The following MGAT5 variants were observed in gnomAD, a reference collection of about 807,000 sequenced individuals.
MGAT5 encodes the protein alpha-1,6-mannosylglycoprotein 6-beta-N-acetylglucosaminyltransferase A.
MGAT5 carries 30 observed loss-of-function variants against 94.3 expected under a neutral mutation model. The observed-to-expected ratio is 0.32, with a 90% CI of 0.24 to 0.43. MGAT5 has a LOEUF of 0.43. MGAT5 is among the 20% of genes least tolerant of loss of function. The pLI is 1.00. For synonymous variants in MGAT5, 310 were observed against 322.9 expected (o/e 0.96, Z 0.43); for missense variants, 691 against 905.5 (o/e 0.76, Z 3.04).
intron 1 of MGAT5, among the ~76,000 whole-genome samples, chr2:134,259,098 C>T (rs542130643): frequency 6.6e-6 from 1 of 152,348 alleles, no homozygotes; most frequent in South Asian, 2.1e-4. Flanking sequence ...TCCCGGGCAG[C>T]CCGTGTGGAA....
intron 1 of MGAT5, among the ~76,000 whole-genome samples, chr2:134,172,623 T>C (rs1488177039): frequency 2.6e-5 from 4 of 152,176 alleles, no homozygotes; most frequent in Non-Finnish European, 5.9e-5. Context: ...CCTGACCTCG[T>C]GATTCTCCCG....
intron 1 of MGAT5, among the ~76,000 whole-genome samples, chr2:134,257,892 A>C (rs1683079044): frequency 7.7e-6 from 1 of 129,832 alleles, no homozygotes. Flanking sequence ...CATTGCCTAC[A>C]CATCTGCTTT....
At chr2:134,235,377 C>T (rs987174047) in intron 1 of MGAT5, among the ~76,000 whole-genome samples, 2 of 152,078 alleles carry the variant, frequency 1.3e-5, no homozygotes, top group Non-Finnish European at 1.5e-5. Flanking sequence ...GAATTATGAT[C>T]TTGGGGAGGG....
intron 13 of MGAT5, among the ~76,000 whole-genome samples, chr2:134,427,598 G>T (rs887565914): frequency 1.3e-5 from 2 of 152,152 alleles, no homozygotes; most frequent in African/African-American, 4.8e-5. Flanking sequence ...ATACTGAGCT[G>T]CAGTTACCTG....
In MGAT5 at chr2:134,453,548, G is replaced by A. The variant is rs1047619497; in HGVS notation, c.*4701G>A. ...AATGCAATAATAGAGGCTTTTCTGC[G>A]TTAAGGGAGAAGGAATGACCAATTG... is the stretch of plus-strand genomic sequence containing the variant. On this transcript the variant is annotated 3_prime_UTR_variant, in exon 16 of 16. Coordinates refer to ENST00000281923, the MANE Select transcript of MGAT5 (RefSeq NM_002410.5). 12 of 152,200 alleles carry A rather than the reference G, an allele frequency of 7.9e-5. No individual in the cohort carries two copies. The highest frequency in any genetic ancestry group is 4.1e-4 in the South Asian group (2 of 4,830). 9.4% of individuals were successfully genotyped at this position (152,200 alleles called of 1,614,324 possible). A position where few individuals can be genotyped will look rare whatever the true frequency, so the allele number is the denominator to read the frequency against.
intron 9 of MGAT5, among the ~76,000 whole-genome samples, chr2:134,350,260 C>G (rs147194065): frequency 0.014 from 2,062 of 152,192 alleles, 20 homozygotes; most frequent in Non-Finnish European, 0.022. Flanking sequence ...CATTTTATGC[C>G]ACATGGATGC....
intron 9 of MGAT5, among the ~76,000 whole-genome samples, chr2:134,354,371 G>A (rs1008571915): frequency 3.9e-5 from 6 of 152,276 alleles, no homozygotes; most frequent in South Asian, 2.1e-4. Flanking sequence ...TGTGGTTCAT[G>A]TGCAGACAGA....
intron 1 of MGAT5, among the ~76,000 whole-genome samples, chr2:134,205,833 G>A (rs987689261): frequency 6.6e-6 from 1 of 152,192 alleles, no homozygotes; most frequent in Non-Finnish European, 1.5e-5. Context: ...GTCAGCTGGG[G>A]AATTGCTTCA....
At chr2:134,421,282 A>G (rs1046625748) in intron 12 of MGAT5, among the ~76,000 whole-genome samples, 2 of 152,164 alleles carry the variant, frequency 1.3e-5, no homozygotes, top group Non-Finnish European at 2.9e-5. Context: ...GTATGTTTGA[A>G]CTGTCAAAAA....
In MGAT5 at chr2:134,292,042, A is replaced by G. The variant is rs527921371; in HGVS notation, c.406+21492A>G. Among the ~76,000 whole-genome samples the G allele has an allele frequency of 4.0e-5, 6 of 151,344 alleles. No individual in the cohort carries two copies. The South Asian group carries it at 1.3e-3, about 32-fold the overall frequency. The stretch of plus-strand genomic sequence containing the variant: ...TGATTATACCATTTTTTTTTTGTTT[A>G]GAGATGGGCATTTCTAATTTTTAAA... On this transcript the variant is annotated intron_variant, in intron 2 of 15. Transcript: ENST00000281923.
At chr2:134,312,628 G>A (rs1686743457) in intron 2 of MGAT5, among the ~76,000 whole-genome samples, 1 of 152,166 alleles carries the variant, frequency 6.6e-6, no homozygotes, top group Non-Finnish European at 1.5e-5. Flanking sequence ...GGTAGAGGAG[G>A]CTTCGTTGCC....
At chr2:134,362,533 C>A in intron 10 of MGAT5, 125 bp downstream of exon 10, 3 of 1,182,216 alleles carry the variant, frequency 2.5e-6, no homozygotes, top group Non-Finnish European at 3.6e-6. Context: ...TAGACATAAA[C>A]AAGAATGTGC....
At chr2:134,343,718 T>G (rs971397548) in intron 7 of MGAT5, among the ~76,000 whole-genome samples, 5 of 152,114 alleles carry the variant, frequency 3.3e-5, no homozygotes, top group African/African-American at 1.2e-4. Flanking sequence ...GAACATGGGG[T>G]GGACCAGAGA....
intron 2 of MGAT5, among the ~76,000 whole-genome samples, chr2:134,306,795 A>G (rs1386950089): frequency 6.6e-6 from 1 of 152,182 alleles, no homozygotes; most frequent in Non-Finnish European, 1.5e-5. Context: ...AATAAAAGGC[A>G]GAGAGATAAT....
chr2:134,206,385 C>T (rs1246555602), intron 1 of MGAT5, among the ~76,000 whole-genome samples: 2 of 152,204 alleles, frequency 1.3e-5, no homozygotes, highest in East Asian at 3.9e-4. Flanking sequence ...CTAGCTCTGT[C>T]CTCATGCCCA....
At chr2:134,433,536 A>G (rs1685000915) in intron 14 of MGAT5, among the ~76,000 whole-genome samples, 1 of 152,200 alleles carries the variant, frequency 6.6e-6, no homozygotes, top group Non-Finnish European at 1.5e-5. Flanking sequence ...AGGCACCGTC[A>G]CTGTTTCTTT....
chr2:134,189,602 G>GTTTTTGTTTTTTTTTTTTTTTTTTTTT (rs1689239434), intron 1 of MGAT5, among the ~76,000 whole-genome samples: 1 of 84,672 alleles, frequency 1.2e-5, no homozygotes, highest in Non-Finnish European at 2.3e-5. Context: ...GTTTTTTTTT[G>GTTTTTGTTTTTTTTTTTTTTTTTTTTT]TTTTTTTTTT....
Position 134,122,805 on chromosome 2 carries a change from C to T in MGAT5, c.-143+2514C>T, listed in dbSNP as rs548138454. ...TTTGCAGGGTTTGCACCTGCACAAG[C>T]AGCCACCAGTTGGTTTTAAGGTGAA... On this transcript the variant is annotated intron_variant, in intron 1 of 16. Transcript: ENST00000409645. 8.1e-4 allele frequency among the ~76,000 whole-genome samples: 123 copies of T among 152,344 alleles called. 1 individual carries two copies. Among genetic ancestry groups the T allele is most frequent in the African/African-American group, 2.9e-3 (122 of 41,578 alleles).
At chr2:134,206,544 G>A (rs1280889536) in intron 1 of MGAT5, among the ~76,000 whole-genome samples, 2 of 152,176 alleles carry the variant, frequency 1.3e-5, no homozygotes, top group Non-Finnish European at 2.9e-5. Flanking sequence ...CGGCTCTGTA[G>A]TAGGCTAACA....
Sources: allele counts gnomAD v4.1 joint callset (sites outside exome capture counted in the v4.1 genomes callset), GRCh38; gene constraint gnomAD v4.1.1; transcripts MANE v1.5; gene names NCBI Gene and HGNC (gene_info 2026-07-23, HGNC 2026-07-21).